GAR1: variants seen among roughly 807,000 people sequenced by gnomAD.
GAR1 encodes the protein GAR1 ribonucleoprotein, also known as H/ACA ribonucleoprotein complex subunit 1.
GAR1 carries 11 observed loss-of-function variants against 29.3 expected under a neutral mutation model. That is an observed-to-expected ratio of 0.38 (90% CI 0.24 to 0.62). The LOEUF is 0.62. Among genes scored for constraint, GAR1 ranks in the 20% least tolerant of loss-of-function variants. The pLI is 0.62. For synonymous variants in GAR1, 87 were observed against 93.3 expected, an observed-to-expected ratio of 0.93 and a Z score of 0.39; for missense variants, 237 against 268.4, an observed-to-expected ratio of 0.88 and a Z score of 0.82.
At chr4:109,820,706 C>G (rs1733490665) in intron 4 of GAR1, among the ~76,000 whole-genome samples, 1 of 152,122 alleles carries the variant, frequency 6.6e-6, no homozygotes, top group Admixed American at 6.5e-5. Flanking sequence ...ACATAGACAT[C>G]AGGGAGTCAT....
At chr4:109,820,510 A>T (rs1014915778) in intron 4 of GAR1, among the ~76,000 whole-genome samples, 1 of 151,988 alleles carries the variant, frequency 6.6e-6, no homozygotes, top group Non-Finnish European at 1.5e-5. Flanking sequence ...ACCTATGAAG[A>T]GTTTTGGGGC....
At chr4:109,816,852 A>G (rs981142466) in intron 2 of GAR1, among the ~76,000 whole-genome samples, 1 of 152,232 alleles carries the variant, frequency 6.6e-6, no homozygotes, top group Admixed American at 6.5e-5. Flanking sequence ...AGAAATACAA[A>G]GCCAAGTATT....
chr4:109,818,931 A>G (rs1371379487), intron 3 of GAR1, 70 bp from the exon 4 acceptor site: 3 of 722,702 alleles, frequency 4.2e-6, no homozygotes, highest in Admixed American at 2.2e-5. Context: ...TTGAAATTAT[A>G]CATGAATTCA....
At chr4:109,816,132 A>G (rs1217076245) in intron 1 of GAR1, 21 bp from the exon 2 acceptor site, 1 of 1,598,082 alleles carries the variant, frequency 6.3e-7, no homozygotes, top group Non-Finnish European at 8.6e-7. Flanking sequence ...CAGAAGACAT[A>G]GGTCGTTTTT....
chr4:109,816,302 G>C lies in GAR1; in HGVS notation c.138G>C (p.Arg46Ser). The change falls in exon 2 of 7, where the codon AGG becomes AGC. Residue 46 changes from arginine to serine, a missense_variant. Coordinates refer to ENST00000226796, the MANE Select transcript of GAR1 (RefSeq NM_018983.4). Reference sequence around the variant, plus strand: ...GCGGCAATTTCAGAGGCGGCGGCAGGGGAGGATTTGGACGAGGGGGTGGCC... The same window carrying C: ...GCGGCAATTTCAGAGGCGGCGGCAGCGGAGGATTTGGACGAGGGGGTGGCC... ...GGGGNFRGGG[R>S]GGFGRGGGRG... The C allele has an allele frequency of 6.2e-7, 1 of 1,612,834 alleles. No homozygotes were observed. Among genetic ancestry groups the C allele is most frequent in the Non-Finnish European group, 8.5e-7 (1 of 1,179,624 alleles).
intron 5 of GAR1, among the ~76,000 whole-genome samples, chr4:109,822,894 TTATGAATG>T (rs1733550421): frequency 6.6e-6 from 1 of 152,212 alleles, no homozygotes; most frequent in Non-Finnish European, 1.5e-5. Context: ...TATCCTTATT[TTATGAATG>T]AGGAAACGGA....
chr4:109,822,664 TA>T (rs1433910906), intron 5 of GAR1, 176 bp downstream of exon 5: 2 of 589,448 alleles, frequency 3.4e-6, no homozygotes, highest in African/African-American at 1.9e-5. Context: ...ACAACTTACT[TA>T]AAAAGAAGAA....
chr4:109,822,027 G>A (rs1227173175), intron 4 of GAR1, among the ~76,000 whole-genome samples: 2 of 151,822 alleles, frequency 1.3e-5, no homozygotes, highest in Admixed American at 6.6e-5. Flanking sequence ...GAGCAATAGG[G>A]CAAATACCCG....
At chr4:109,819,275 A>G (rs534505243) in intron 4 of GAR1, 2 of 553,842 alleles carry the variant, frequency 3.6e-6, no homozygotes, top group Admixed American at 3.4e-5. Flanking sequence ...ACTTTTGCTC[A>G]TATTACCAAA....
At chr4:109,817,140 A>T (rs1001271064) in intron 2 of GAR1, among the ~76,000 whole-genome samples, 1 of 152,186 alleles carries the variant, frequency 6.6e-6, no homozygotes, top group Non-Finnish European at 1.5e-5. Flanking sequence ...GTCCCAGCCC[A>T]CAAGCTGTTG....
Position 109,824,024 on chromosome 4 carries a change from G to T in GAR1, c.631G>T (p.Gly211Cys). Residue 211 changes from glycine (G) to cysteine (C), a missense_variant, in exon 6 of 7, where the codon GGT (glycine) becomes TGT (cysteine). By Grantham distance (159) the Gly-to-Cys change is radical. Coordinates refer to ENST00000226796, the MANE Select transcript of GAR1 (RefSeq NM_018983.4). ...GGGCTTCAGAGGAGGAAGAGGTGGT[G>T]GTTTCAGAGGTGAGTATTTTAAAAA... Reference protein sequence around the residue: ...GGGFRGGRGGGFRGRGH With the variant: ...GGGFRGGRGGCFRGRGH 1 of 1,597,706 alleles carries T rather than the reference G, an allele frequency of 6.3e-7. No homozygotes were observed. The highest frequency in any genetic ancestry group is 8.6e-7 in the Non-Finnish European group (1 of 1,166,914).
chr4:109,824,325 A>T lies in GAR1; in HGVS notation c.641-93A>T, dbSNP rs180679457. Reference sequence around the variant, plus strand: ...AAGTATGTTTGCTAAACATTATTGGAACTAATGCTGATTTTAAACTTGAGA... The same window carrying T: ...AAGTATGTTTGCTAAACATTATTGGTACTAATGCTGATTTTAAACTTGAGA... On this transcript the variant is annotated intron_variant, in intron 6 of 6. Transcript: ENST00000226796. 2.2e-4 allele frequency: 189 copies of T among 843,010 alleles called. No individual in the cohort carries two copies. In the African/African-American group the frequency reaches 2.5e-3, roughly 11 times the overall value. 52.2% of individuals were successfully genotyped at this position (843,010 alleles called of 1,614,324 possible).
intron 1 of GAR1, 120 bp downstream of exon 1, chr4:109,815,924 T>TA: frequency 1.7e-6 from 1 of 574,438 alleles, no homozygotes; most frequent in Non-Finnish European, 3.1e-6. Flanking sequence ...GGGGAGGAGA[T>TA]ACTAATCATG....
Position 109,817,916 on chromosome 4 carries a change from A to AT in GAR1, c.215-16dup. 2.5e-6 allele frequency: 4 copies of AT among 1,587,000 alleles called. No individual in the cohort carries two copies. The highest frequency in any genetic ancestry group is 3.4e-6 in the Non-Finnish European group (4 of 1,168,404). On this transcript the variant is annotated intron_variant, in intron 2 of 6. Transcript: ENST00000226796. ...GTTTGAAATAGTTCTATGTTTTAACATTTTCTTGTCCTGTTTCAGTATTAG... is the reference window on the plus strand; with the variant it reads ...GTTTGAAATAGTTCTATGTTTTAACATTTTTCTTGTCCTGTTTCAGTATTAG...
intron 2 of GAR1, among the ~76,000 whole-genome samples, chr4:109,817,001 A>G (rs1160735207): frequency 6.6e-6 from 1 of 152,236 alleles, no homozygotes; most frequent in Admixed American, 6.5e-5. Context: ...TAACAATGAG[A>G]TGGGAATGGA....
At chr4:109,818,248 C>T (rs1733405759) in intron 3 of GAR1, among the ~76,000 whole-genome samples, 158 bp downstream of exon 3, 1 of 152,170 alleles carries the variant, frequency 6.6e-6, no homozygotes, top group Non-Finnish European at 1.5e-5. Context: ...AGAATGTATT[C>T]ATCCATAGAT....
chr4:109,816,535 T>C (rs1441527849), intron 2 of GAR1, among the ~76,000 whole-genome samples, 157 bp downstream of exon 2: 1 of 152,138 alleles, frequency 6.6e-6, no homozygotes, highest in African/African-American at 2.4e-5. Context: ...ATACTTAGAA[T>C]GCATCTTGGA....
At position 109,823,471 on chromosome 4, in the gene GAR1, C is replaced by G. The variant is rs868779117; in HGVS notation, c.572-494C>G. Among the ~76,000 whole-genome samples the G allele has an allele frequency of 6.6e-5, 10 of 152,096 alleles. No individual in the cohort carries two copies. The South Asian group carries it at 1.9e-3, about 29-fold the overall frequency. Reference sequence around the variant, plus strand: ...ATTTAACATTTCAAAAAATTCACAGCTGTCTTATTTTTTTAAAATCTTACT... The same window carrying G: ...ATTTAACATTTCAAAAAATTCACAGGTGTCTTATTTTTTTAAAATCTTACT... On this transcript the variant is annotated intron_variant, in intron 5 of 6. Coordinates refer to ENST00000226796, the MANE Select transcript of GAR1 (RefSeq NM_018983.4).
At chr4:109,822,150 T>G (rs1733530144) in intron 4 of GAR1, among the ~76,000 whole-genome samples, 197 bp from the exon 5 acceptor site, 1 of 85,200 alleles carries the variant, frequency 1.2e-5, no homozygotes. Context: ...TCCCAGAACT[T>G]AAGGTAAAAA....
Sources: gnomAD v4.1 joint callset for allele counts (sites outside exome capture counted in the v4.1 genomes callset) on GRCh38, gnomAD v4.1.1 for gene constraint, MANE v1.5 for transcripts, NCBI Gene and HGNC (gene_info 2026-07-23, HGNC 2026-07-21) for gene names.